Variants in STK32B observed in about 807,000 individuals in gnomAD.
STK32B encodes the protein serine/threonine kinase 32B.
A neutral mutation model predicts 52.6 loss-of-function variants in STK32B; 43 were observed. The observed-to-expected ratio is 0.82, with a 90% CI of 0.64 to 1.05. The LOEUF is 1.05. Among genes scored for constraint, STK32B ranks in the 50% least tolerant of loss-of-function variants. The pLI is 0.00. For synonymous variants in STK32B, 238 were observed against 204.3 expected, an observed-to-expected ratio of 1.17 and a Z score of -1.41; for missense variants, 621 against 534.6, an observed-to-expected ratio of 1.16 and a Z score of -1.59.
chr4:5,210,331 C>T (rs1211987674), intron 3 of STK32B, among the ~76,000 whole-genome samples: 1 of 152,174 alleles, frequency 6.6e-6, no homozygotes, highest in East Asian at 1.9e-4. Flanking sequence ...TTCTGCCCTT[C>T]CCCATCTCCT....
intron 5 of STK32B, among the ~76,000 whole-genome samples, chr4:5,406,460 T>C (rs1737679577): frequency 6.6e-6 from 1 of 152,048 alleles, no homozygotes; most frequent in African/African-American, 2.4e-5. Flanking sequence ...CAACCCCACA[T>C]TTCCCCTTCA....
At chr4:5,242,597 C>A (rs1725116178) in intron 3 of STK32B, among the ~76,000 whole-genome samples, 1 of 152,278 alleles carries the variant, frequency 6.6e-6, no homozygotes, top group African/African-American at 2.4e-5. Context: ...TCCCATTTGT[C>A]AATTTTGGCT....
chr4:5,374,641 C>T (rs184618187), intron 4 of STK32B, among the ~76,000 whole-genome samples: 2 of 152,328 alleles, frequency 1.3e-5, no homozygotes, highest in Non-Finnish European at 2.9e-5. Context: ...GGCAAGGCAC[C>T]TCCCTTCAGC....
At chr4:5,444,405 A>G (rs186221230) in intron 6 of STK32B, among the ~76,000 whole-genome samples, 214 of 152,302 alleles carry the variant, frequency 1.4e-3, no homozygotes, top group African/African-American at 4.7e-3. Flanking sequence ...TCGGAAAGGG[A>G]ACTCCCTGAC....
chr4:5,377,142 A>G (rs75511531), intron 4 of STK32B, among the ~76,000 whole-genome samples: 4,827 of 152,274 alleles, frequency 0.032, 256 homozygotes, highest in African/African-American at 0.11. Flanking sequence ...TTCTAGAGGG[A>G]GTCATTGGAC....
chr4:5,244,803 C>T (rs1443286009), intron 3 of STK32B, among the ~76,000 whole-genome samples: 1 of 152,156 alleles, frequency 6.6e-6, no homozygotes, highest in African/African-American at 2.4e-5. Context: ...TTTCAAAGAA[C>T]ATCTTTATTT....
At chr4:5,165,413 G>A (rs973984478) in intron 2 of STK32B, among the ~76,000 whole-genome samples, 8 of 152,228 alleles carry the variant, frequency 5.3e-5, no homozygotes, top group African/African-American at 1.7e-4. Context: ...GCTGAGGTGA[G>A]AGCTGTCCCT....
At chr4:5,482,047 A>G (rs992374405) in intron 11 of STK32B, among the ~76,000 whole-genome samples, 7 of 152,198 alleles carry the variant, frequency 4.6e-5, no homozygotes, top group African/African-American at 1.7e-4. Flanking sequence ...CTTTTGGCCT[A>G]GGATTGACTT....
At chr4:5,474,831 A>G (rs559723180) in intron 11 of STK32B, among the ~76,000 whole-genome samples, 1 of 152,316 alleles carries the variant, frequency 6.6e-6, no homozygotes, top group South Asian at 2.1e-4. Flanking sequence ...TTAAAACATA[A>G]TTCTGACTTG....
chr4:5,159,562 A>ATATATGTATATAT (rs1718178527), intron 2 of STK32B, among the ~76,000 whole-genome samples: 4 of 51,640 alleles, frequency 7.7e-5, no homozygotes, highest in East Asian at 1.3e-3. Flanking sequence ...AATATATATG[A>ATATATGTATATAT]ATGAATATAT....
intron 4 of STK32B, among the ~76,000 whole-genome samples, chr4:5,364,951 C>T (rs1721372038): frequency 6.6e-6 from 1 of 152,198 alleles, no homozygotes; most frequent in Admixed American, 6.5e-5. Flanking sequence ...TCTCGGCCCA[C>T]TGCAACCTCT....
intron 4 of STK32B, among the ~76,000 whole-genome samples, chr4:5,348,449 C>G (rs572176056): frequency 6.6e-6 from 1 of 152,316 alleles, no homozygotes; most frequent in Non-Finnish European, 1.5e-5. Context: ...ACATTCCCCA[C>G]CCATAGCCGT....
chr4:5,051,347 G>GC (rs2108749874), upstream of STK32B: 1 of 159,124 alleles, frequency 6.3e-6, no homozygotes, highest in African/African-American at 2.4e-5. Context: ...TGCCTGCAGG[G>GC]ACCGAGCTCC....
chr4:5,339,315 CT>C (rs1326620829), intron 4 of STK32B, among the ~76,000 whole-genome samples: 1 of 152,142 alleles, frequency 6.6e-6, no homozygotes, highest in Non-Finnish European at 1.5e-5. Flanking sequence ...TATTCTATTT[CT>C]TTTGTTTTTC....
intron 3 of STK32B, among the ~76,000 whole-genome samples, chr4:5,191,702 G>T (rs146647546): frequency 6.6e-6 from 1 of 152,146 alleles, no homozygotes; most frequent in African/African-American, 2.4e-5. Context: ...AGCCTGCTTC[G>T]TCGGCTGAGA....
chr4:5,239,750 T>G (rs1245710422), intron 3 of STK32B, among the ~76,000 whole-genome samples: 1 of 151,366 alleles, frequency 6.6e-6, no homozygotes, highest in Non-Finnish European at 1.5e-5. Flanking sequence ...TTATACTAAA[T>G]AAGAGTCAGA....
intron 6 of STK32B, among the ~76,000 whole-genome samples, chr4:5,441,081 C>A (rs1272324317): frequency 1.3e-5 from 2 of 149,698 alleles, no homozygotes; most frequent in African/African-American, 4.9e-5. Flanking sequence ...TTGGTTGTGT[C>A]TCTGCCTGGC....
rs142796770 is a variant in STK32B, at chr4:5,168,533, C to A, written c.260+83C>A. The stretch of plus-strand genomic sequence containing the variant: ...ATTCGCCTCTGCTAGAGGGACTCTT[C>A]CGCATTGTAAAGGGAAAGGGATGCA... On this transcript the variant is annotated intron_variant, in intron 3 of 11. Coordinates refer to ENST00000282908, the MANE Select transcript of STK32B (RefSeq NM_018401.3). 4 of 1,445,170 alleles carry A rather than the reference C, an allele frequency of 2.8e-6. No individual in the cohort carries two copies. The East Asian group carries it at 7.3e-5, about 26-fold the overall frequency. 89.5% of individuals were successfully genotyped at this position (1,445,170 alleles called of 1,614,324 possible).
chr4:5,106,628 T>A (rs1361609319), intron 1 of STK32B, among the ~76,000 whole-genome samples: 2 of 152,226 alleles, frequency 1.3e-5, no homozygotes, highest in African/African-American at 4.8e-5. Context: ...ATGCCATTTA[T>A]AGATTGTTTA....
Sources: allele counts gnomAD v4.1 joint callset (sites outside exome capture counted in the v4.1 genomes callset), GRCh38; gene constraint gnomAD v4.1.1; transcripts MANE v1.5; gene names NCBI Gene and HGNC (gene_info 2026-07-23, HGNC 2026-07-21).